ARMH4: variants seen among roughly 807,000 people sequenced by gnomAD.
The protein encoded by ARMH4 is armadillo like helical domain containing 4, also known as armadillo-like helical domain-containing protein 4.
A neutral mutation model predicts 61.9 loss-of-function variants in ARMH4; 49 were observed. That is an observed-to-expected ratio of 0.79 (90% CI 0.63 to 1.00). The LOEUF (loss-of-function observed/expected upper bound fraction) is 1.00. ARMH4 is among the 50% of genes least tolerant of loss of function. The pLI is 0.00. For missense variants in ARMH4, 934 were observed against 930.0 expected, an observed-to-expected ratio of 1.00 and a Z score of -0.06; for synonymous variants, 368 against 341.5, an observed-to-expected ratio of 1.08 and a Z score of -0.85.
chr14:58,127,080 C>T lies in ARMH4; in HGVS notation c.1831+4432G>A, dbSNP rs180749754. Reference sequence around the variant, plus strand: ...ACCTCCCAAAGTGCTGGGATTACCCCGGCCAAGAATTAAAAATCTCTATGT... The same window carrying T: ...ACCTCCCAAAGTGCTGGGATTACCCTGGCCAAGAATTAAAAATCTCTATGT... On this transcript the variant is annotated intron_variant, in intron 4 of 7. Transcript: ENST00000267485. Among the ~76,000 whole-genome samples the T allele has an allele frequency of 3.2e-3, 481 of 152,146 alleles. 1 individual carries two copies. Among genetic ancestry groups the T allele is most frequent in the African/African-American group, 9.9e-3 (409 of 41,512 alleles).
intron 1 of ARMH4, among the ~76,000 whole-genome samples, chr14:58,142,546 G>T (rs1049993916): frequency 6.6e-6 from 1 of 151,608 alleles, no homozygotes. Context: ...AATGCAGTGC[G>T]AGTCACTCAC....
At chr14:58,019,346 T>A (rs767206832) in intron 5 of ARMH4, among the ~76,000 whole-genome samples, 3 of 152,170 alleles carry the variant, frequency 2.0e-5, no homozygotes. Context: ...TTTCAAAACA[T>A]CATGTTGTTT....
intron 1 of ARMH4, among the ~76,000 whole-genome samples, chr14:58,145,472 G>A (rs761794144): frequency 2.6e-5 from 4 of 152,208 alleles, no homozygotes; most frequent in Non-Finnish European, 5.9e-5. Flanking sequence ...ATGTTCTGGA[G>A]TCATGTGGAC....
At chr14:58,103,596 A>C (rs879897412) in intron 4 of ARMH4, among the ~76,000 whole-genome samples, 1 of 108,676 alleles carries the variant, frequency 9.2e-6, no homozygotes, top group East Asian at 2.2e-4. Flanking sequence ...AAAGAGCACT[A>C]TATTTTTTTT....
intron 5 of ARMH4, among the ~76,000 whole-genome samples, chr14:58,074,380 T>C (rs1291700438): frequency 6.6e-6 from 1 of 152,186 alleles, no homozygotes; most frequent in Non-Finnish European, 1.5e-5. Context: ...TGTTAAACTA[T>C]TCCTTATCCT....
chr14:58,083,652 A>C lies in ARMH4; in HGVS notation c.2089+13072T>G, dbSNP rs530250189. 1.7e-4 allele frequency among the ~76,000 whole-genome samples: 26 copies of C among 152,344 alleles called. No homozygotes were observed. The Middle Eastern group carries it at 0.01, about 60-fold the overall frequency. On this transcript the variant is annotated intron_variant, in intron 5 of 7. Transcript: ENST00000267485. ...CCCCTAAGAATTATCTGACTCCATT[A>C]GGACTGTGCACCTGTCACTGCCTTT...
At chr14:58,148,068 G>A (rs1236289685) in intron 1 of ARMH4, among the ~76,000 whole-genome samples, 2 of 151,944 alleles carry the variant, frequency 1.3e-5, no homozygotes, top group Non-Finnish European at 2.9e-5. Context: ...TTTTATTTTC[G>A]AGATGGAGTC....
chr14:58,078,355 C>G (rs1405167416), intron 5 of ARMH4, among the ~76,000 whole-genome samples: 1 of 152,232 alleles, frequency 6.6e-6, no homozygotes, highest in Non-Finnish European at 1.5e-5. Context: ...TTTTTACCCT[C>G]TCATCCAATG....
Position 58,036,003 on chromosome 14 carries a change from C to G in ARMH4, c.2090-23853G>C, listed in dbSNP as rs1174495169. Among the ~76,000 whole-genome samples, 4 of 129,706 alleles carry G rather than the reference C, an allele frequency of 3.1e-5. 1 individual carries two copies. The highest frequency in any genetic ancestry group is 5.2e-5 in the Non-Finnish European group (3 of 57,692). 85.1% of individuals were successfully genotyped at this position (129,706 alleles called of 152,430 possible). A position where few individuals can be genotyped will look rare whatever the true frequency, so the allele number is the denominator to read the frequency against. ...GGAACTGGTACCATTCCTTCTGAAA[C>G]TATTCCAATTAACAGAAAAAGAGGG... On this transcript the variant is annotated intron_variant, in intron 5 of 7. Transcript: ENST00000267485.
intron 5 of ARMH4, among the ~76,000 whole-genome samples, chr14:58,066,023 A>G (rs899820037): frequency 1.3e-5 from 2 of 152,210 alleles, no homozygotes; most frequent in Non-Finnish European, 2.9e-5. Context: ...TGATTCCTTA[A>G]AGCTGAGATC....
chr14:58,005,748 G>GA (rs954665950), intron 6 of ARMH4, among the ~76,000 whole-genome samples: 19 of 151,756 alleles, frequency 1.3e-4, no homozygotes, highest in South Asian at 6.2e-4. Context: ...TGAAAACAAG[G>GA]AAAAAAAAGG....
chr14:58,126,343 G>A (rs181744774), intron 4 of ARMH4, among the ~76,000 whole-genome samples: 24 of 152,242 alleles, frequency 1.6e-4, no homozygotes, highest in Admixed American at 9.8e-4. Context: ...TGAAATTCCC[G>A]TTATCAGTAA....
chr14:58,104,840 T>C (rs937525878), intron 4 of ARMH4, among the ~76,000 whole-genome samples: 3 of 152,226 alleles, frequency 2.0e-5, no homozygotes, highest in African/African-American at 4.8e-5. Flanking sequence ...AATGAATACA[T>C]GAGTAAATGT....
chr14:58,132,876 C>T (rs112518625), intron 3 of ARMH4, among the ~76,000 whole-genome samples: 27 of 152,238 alleles, frequency 1.8e-4, no homozygotes, highest in African/African-American at 6.5e-4. Flanking sequence ...TGAGCCACTG[C>T]GCCCGGCCAA....
intron 5 of ARMH4, among the ~76,000 whole-genome samples, chr14:58,041,097 G>C (rs1359149660): frequency 6.6e-6 from 1 of 152,180 alleles, no homozygotes; most frequent in Admixed American, 6.5e-5. Context: ...TCTCCATGGG[G>C]AGTGTCGGAA....
Position 58,111,813 on chromosome 14 carries a change from C to T in ARMH4, c.1832-14832G>A, listed in dbSNP as rs548555620. On this transcript the variant is annotated intron_variant, in intron 4 of 7. Transcript: ENST00000267485. Reference sequence around the variant, plus strand: ...GCTCAAGCAATCCTCCTACCTCAGCCTCCCGAGTAGCTAGGACTACAGGTG... The same window carrying T: ...GCTCAAGCAATCCTCCTACCTCAGCTTCCCGAGTAGCTAGGACTACAGGTG... Among the ~76,000 whole-genome samples the T allele has an allele frequency of 5.3e-5, 8 of 152,270 alleles. No individual in the cohort carries two copies. The South Asian group carries it at 1.7e-3, about 32-fold the overall frequency.
chr14:58,046,737 A>G (rs1324311666), intron 5 of ARMH4, among the ~76,000 whole-genome samples: 1 of 152,244 alleles, frequency 6.6e-6, no homozygotes, highest in Non-Finnish European at 1.5e-5. Flanking sequence ...TGGGAAGCAC[A>G]GAGTGGTCTC....
At chr14:58,068,166 T>A (rs113738612) in intron 5 of ARMH4, among the ~76,000 whole-genome samples, 45 of 152,276 alleles carry the variant, frequency 3.0e-4, no homozygotes, top group African/African-American at 1.1e-3. Context: ...AATTGATATA[T>A]CTGCAAACTG....
chr14:58,145,969 T>C (rs2085267463), intron 1 of ARMH4, among the ~76,000 whole-genome samples: 1 of 152,272 alleles, frequency 6.6e-6, no homozygotes, highest in Non-Finnish European at 1.5e-5. Context: ...GTTCATGTAG[T>C]CACTCCCATT....
Sources: allele counts gnomAD v4.1 joint callset (sites outside exome capture counted in the v4.1 genomes callset), GRCh38; gene constraint gnomAD v4.1.1; transcripts MANE v1.5; gene names NCBI Gene and HGNC (gene_info 2026-07-23, HGNC 2026-07-21).